CCDC149: variants seen among roughly 807,000 people sequenced by gnomAD.
The protein encoded by CCDC149 is coiled-coil domain containing 149, also known as coiled-coil domain-containing protein 149.
CCDC149 carries 45 observed loss-of-function variants against 59.9 expected under a neutral mutation model. That is an observed-to-expected ratio of 0.75 (90% confidence interval 0.59 to 0.96). The LOEUF (loss-of-function observed/expected upper bound fraction) is 0.96, where lower values mean the gene tolerates loss of function less well. CCDC149 is among the 40% of genes least tolerant of loss of function. The pLI is 0.00. For synonymous variants in CCDC149, 245 were observed against 260.6 expected (o/e 0.94, Z 0.58); for missense variants, 584 against 664.7 (o/e 0.88, Z 1.33).
chr4:24,817,346 A>G (rs563364662), intron 12 of CCDC149, among the ~76,000 whole-genome samples: 1 of 152,274 alleles, frequency 6.6e-6, no homozygotes, highest in South Asian at 2.1e-4. Flanking sequence ...GGCTGGCTGC[A>G]AAGACCCAGC....
chr4:24,933,303 C>T (rs541985145), intron 1 of CCDC149, among the ~76,000 whole-genome samples: 1 of 152,250 alleles, frequency 6.6e-6, no homozygotes, highest in Admixed American at 6.5e-5. Flanking sequence ...CAGGATTATT[C>T]AGTGAATGGT....
intron 1 of CCDC149, among the ~76,000 whole-genome samples, chr4:24,955,682 A>G (rs969194905): frequency 2.0e-5 from 3 of 152,250 alleles, no homozygotes; most frequent in East Asian, 3.8e-4. Flanking sequence ...AGTCAAAATT[A>G]TAGAGACAGA....
At chr4:24,908,337 C>A (rs1258625964) in intron 1 of CCDC149, among the ~76,000 whole-genome samples, 1 of 152,072 alleles carries the variant, frequency 6.6e-6, no homozygotes, top group Non-Finnish European at 1.5e-5. Context: ...CAACTGAAAC[C>A]CAAAGCTGGG....
At chr4:24,919,054 G>A (rs1722212142) in intron 1 of CCDC149, among the ~76,000 whole-genome samples, 1 of 152,176 alleles carries the variant, frequency 6.6e-6, no homozygotes, top group Non-Finnish European at 1.5e-5. Context: ...TTGGGAAAGA[G>A]GTACATGGAT....
chr4:24,809,022 C>T (rs1577370024), intron 12 of CCDC149, among the ~76,000 whole-genome samples: 1 of 152,170 alleles, frequency 6.6e-6, no homozygotes, highest in Non-Finnish European at 1.5e-5. Context: ...TCTAGTGATT[C>T]CTGCATTATT....
At chr4:24,931,829 G>GTATATATATGTATATGTATATA (rs60585956) in intron 1 of CCDC149, among the ~76,000 whole-genome samples, 3 of 76,934 alleles carry the variant, frequency 3.9e-5, no homozygotes, top group East Asian at 8.7e-4. Context: ...TGGAGAGTAT[G>GTATATATATGTATATGTATATA]TATATATATA....
intron 8 of CCDC149, among the ~76,000 whole-genome samples, chr4:24,833,834 T>C (rs942340929): frequency 6.6e-6 from 1 of 152,220 alleles, no homozygotes; most frequent in African/African-American, 2.4e-5. Context: ...TCATAGCAGG[T>C]TGTCAGAGAG....
At chr4:24,851,496 C>T (rs2109179954) in intron 4 of CCDC149, among the ~76,000 whole-genome samples, 1 of 151,680 alleles carries the variant, frequency 6.6e-6, no homozygotes, top group East Asian at 1.9e-4. Context: ...ACCTAAAAGG[C>T]AAAAGAATTG....
Position 24,838,214 on chromosome 4 carries a change from T to C in CCDC149, c.431A>G (p.His144Arg), listed in dbSNP as rs771232729. 6.2e-7 allele frequency: 1 copy of C among 1,614,198 alleles called. No homozygotes were observed. Among genetic ancestry groups the C allele is most frequent in the South Asian group, 1.1e-5 (1 of 91,086 alleles). Residue 144 changes from histidine to arginine, a missense_variant, in exon 5 of 13, where the codon CAC (histidine) becomes CGC (arginine). By Grantham distance (29) the His-to-Arg change is conservative (BLOSUM62 0). Coordinates refer to ENST00000635206, the MANE Select transcript of CCDC149 (RefSeq NM_001330643.2). ...GTCTTCACGCTCATGGGCTGCAAAG[T>C]GTCGCACGCCGATTGCTTCGTCTCC...
At chr4:24,928,919 T>C (rs1191853474) in intron 1 of CCDC149, among the ~76,000 whole-genome samples, 2 of 152,146 alleles carry the variant, frequency 1.3e-5, no homozygotes, top group Non-Finnish European at 2.9e-5. Flanking sequence ...AGGTGACATT[T>C]ATGGTCAACT....
At chr4:24,882,509 T>C (rs1719909827) in intron 1 of CCDC149, among the ~76,000 whole-genome samples, 1 of 152,244 alleles carries the variant, frequency 6.6e-6, no homozygotes, top group African/African-American at 2.4e-5. Context: ...AAGAAAGGCA[T>C]GATACCTGGA....
At chr4:24,979,981 G>A (rs1008370011) in intron 1 of CCDC149, 2 of 152,112 alleles carry the variant, frequency 1.3e-5, no homozygotes, top group Non-Finnish European at 2.9e-5. Flanking sequence ...AATAATCAAC[G>A]AGTTATTTTA....
upstream of CCDC149, among the ~76,000 whole-genome samples, chr4:24,917,169 A>T (rs997096184): frequency 9.2e-5 from 14 of 152,214 alleles, no homozygotes; most frequent in Non-Finnish European, 1.8e-4. Context: ...TTCCTGACTC[A>T]GGGAATCCTC....
chr4:24,822,454 G>GA (rs760256106), intron 10 of CCDC149, 43 bp downstream of exon 10: 112,989 of 903,468 alleles, frequency 0.13, 2 homozygotes, highest in South Asian at 0.14. Context: ...TTAAAAAAAA[G>GA]AAAAAAAAAA....
At chr4:24,958,652 C>T (rs973535060) in intron 1 of CCDC149, among the ~76,000 whole-genome samples, 1 of 152,112 alleles carries the variant, frequency 6.6e-6, no homozygotes, top group African/African-American at 2.4e-5. Flanking sequence ...AAAAAATGCA[C>T]TATATGCAAT....
chr4:24,962,771 A>G (rs1183577170), intron 1 of CCDC149, among the ~76,000 whole-genome samples: 1 of 152,136 alleles, frequency 6.6e-6, no homozygotes, highest in Non-Finnish European at 1.5e-5. Context: ...ATTAGGAGAT[A>G]TACCTAATGT....
rs544921323 is a variant in CCDC149 at position 24,909,458 on chromosome 4, G to A, written c.63+3359C>T. ...AGTCACACCCATGGAACCCCTGCCA[G>A]CCAAACTTGACTGGGCAGGGGAATT... is the stretch of plus-strand genomic sequence containing the variant. On this transcript the variant is annotated intron_variant, in intron 1 of 12. Coordinates refer to ENST00000635206, the MANE Select transcript of CCDC149 (RefSeq NM_001330643.2). 8.5e-5 allele frequency among the ~76,000 whole-genome samples: 13 copies of A among 152,310 alleles called. No individual in the cohort carries two copies. In the South Asian group the frequency reaches 2.5e-3, roughly 29 times the overall value.
rs1208184496 is a variant in CCDC149, at chr4:24,819,931, C to T, written c.1120G>A (p.Gly374Arg). ...AGCAGTGGGGATCTCGACCTCTGTC[C>T]ACTAGGAAGAGTGGGGTCGCTGAAC... Residue 374 changes from glycine to arginine, a missense_variant, in exon 12 of 13, where the codon GGA (glycine) becomes AGA (arginine). Gly to Arg is a moderately radical substitution (Grantham distance 125). Coordinates refer to ENST00000635206, the MANE Select transcript of CCDC149 (RefSeq NM_001330643.2). 2 of 1,551,434 alleles carry T rather than the reference C, an allele frequency of 1.3e-6. No homozygotes were observed. The highest frequency in any genetic ancestry group is 1.7e-6 in the Non-Finnish European group (2 of 1,146,924).
At chr4:24,817,293 G>A (rs1225618957) in intron 12 of CCDC149, among the ~76,000 whole-genome samples, 1 of 152,140 alleles carries the variant, frequency 6.6e-6, no homozygotes, top group Admixed American at 6.5e-5. Context: ...AACCACACAG[G>A]GGGCCATGGT....
Sources: gnomAD v4.1 joint callset for allele counts (sites outside exome capture counted in the v4.1 genomes callset) on GRCh38, gnomAD v4.1.1 for gene constraint, MANE v1.5 for transcripts, NCBI Gene and HGNC (gene_info 2026-07-23, HGNC 2026-07-21) for gene names.